The following ATP2B2 variants were observed in gnomAD, a reference collection of about 807,000 sequenced individuals.
ATP2B2 encodes ATPase plasma membrane Ca2+ transporting 2.
In ATP2B2, 15 loss-of-function variants were observed where a neutral mutation model predicts 120.0. The observed-to-expected ratio is 0.12, with a 90% CI of 0.08 to 0.19. The LOEUF is 0.19. Ranked by LOEUF, ATP2B2 falls within the 10% of genes least tolerant of loss-of-function variation. The probability of loss-of-function intolerance (pLI) is 1.00; values close to 1 mark genes in which losing one functional copy is unlikely to be tolerated. For missense variants in ATP2B2, 1,045 were observed against 1,719.8 expected, an observed-to-expected ratio of 0.61 and a Z score of 6.94; for synonymous variants, 694 against 700.3, an observed-to-expected ratio of 0.99 and a Z score of 0.14.
upstream of ATP2B2, among the ~76,000 whole-genome samples, chr3:10,506,336 G>A (rs1314597544): frequency 2.6e-5 from 4 of 152,144 alleles, no homozygotes; most frequent in Admixed American, 6.5e-5. Flanking sequence ...TCAAGAAGGT[G>A]CCCACCAGCA....
chr3:10,574,705 CTTT>C (rs761979145), intron 2 of ATP2B2, among the ~76,000 whole-genome samples: 1 of 152,058 alleles, frequency 6.6e-6, no homozygotes, highest in Non-Finnish European at 1.5e-5. Flanking sequence ...TTGGAATGAT[CTTT>C]TTAAGATTAA....
At chr3:10,518,605 C>T (rs2066920971) in intron 3 of ATP2B2, among the ~76,000 whole-genome samples, 2 of 152,362 alleles carry the variant, frequency 1.3e-5, no homozygotes, top group Middle Eastern at 3.4e-3. Flanking sequence ...TCCGCTTTCT[C>T]CCAGCCAAGC....
intron 2 of ATP2B2, among the ~76,000 whole-genome samples, chr3:10,565,423 T>C (rs1345129699): frequency 6.6e-6 from 1 of 152,162 alleles, no homozygotes; most frequent in Non-Finnish European, 1.5e-5. Flanking sequence ...ACAACTCTAA[T>C]TCTGAAAGCC....
intron 2 of ATP2B2, among the ~76,000 whole-genome samples, chr3:10,447,223 G>A (rs1187813692): frequency 6.6e-6 from 1 of 152,250 alleles, no homozygotes; most frequent in Non-Finnish European, 1.5e-5. Flanking sequence ...ATCTGTGCCA[G>A]GCATGAGGTT....
intron 2 of ATP2B2, among the ~76,000 whole-genome samples, chr3:10,437,926 A>G (rs962735372): frequency 6.6e-6 from 1 of 152,226 alleles, no homozygotes. Context: ...GTGAACAGAC[A>G]CTGGGAGAAG....
chr3:10,433,711 T>C (rs1012936276), intron 2 of ATP2B2, among the ~76,000 whole-genome samples: 2 of 152,188 alleles, frequency 1.3e-5, no homozygotes, highest in African/African-American at 4.8e-5. Context: ...GAAGCCCCAC[T>C]GTTACCCACC....
chr3:10,462,148 C>T (rs1018128913), intron 1 of ATP2B2, among the ~76,000 whole-genome samples: 9 of 152,210 alleles, frequency 5.9e-5, no homozygotes, highest in African/African-American at 2.2e-4. Context: ...GACCTTTCCA[C>T]CACGGCCTTT....
intron 1 of ATP2B2, among the ~76,000 whole-genome samples, chr3:10,463,437 T>C (rs2064585809): frequency 6.6e-6 from 1 of 152,244 alleles, no homozygotes; most frequent in Non-Finnish European, 1.5e-5. Flanking sequence ...GCCAAATGCA[T>C]TCTTGCTGAG....
chr3:10,603,801 G>GA lies in ATP2B2; in HGVS notation c.-415+16115dup, dbSNP rs200590671. On this transcript the variant is annotated intron_variant, in intron 2 of 21. Coordinates refer to the ATP2B2 transcript ENST00000646379. Reference sequence around the variant, plus strand: ...CCACCTTCTCCTTCAGTCTTTCCAGGAAAAAAAAACAAATCTAAGCCCAAT... The same window carrying GA: ...CCACCTTCTCCTTCAGTCTTTCCAGGAAAAAAAAAACAAATCTAAGCCCAAT... Among the ~76,000 whole-genome samples the GA allele has an allele frequency of 8.6e-3, 1,286 of 149,576 alleles. 15 individuals are homozygous for GA. The highest frequency in any genetic ancestry group is 0.021 in the African/African-American group (850 of 40,736).
intron 1 of ATP2B2, among the ~76,000 whole-genome samples, chr3:10,684,939 G>C (rs765882929): frequency 1.3e-5 from 2 of 152,216 alleles, no homozygotes; most frequent in Non-Finnish European, 2.9e-5. Context: ...TGGAGGTTCA[G>C]GTCAGAGGGG....
chr3:10,631,459 G>A (rs1231107119), intron 1 of ATP2B2, among the ~76,000 whole-genome samples: 2 of 152,236 alleles, frequency 1.3e-5, no homozygotes, highest in Admixed American at 6.5e-5. Context: ...AGGTCACACA[G>A]TTGGCAAGTG....
intron 3 of ATP2B2, among the ~76,000 whole-genome samples, chr3:10,510,685 CAA>C (rs2066743902): frequency 6.6e-6 from 1 of 152,232 alleles, no homozygotes; most frequent in African/African-American, 2.4e-5. Context: ...ACTGTGGAAA[CAA>C]TGAGGGATCT....
intron 1 of ATP2B2, among the ~76,000 whole-genome samples, chr3:10,644,139 G>T (rs1488390459): frequency 6.6e-6 from 1 of 152,108 alleles, no homozygotes; most frequent in African/African-American, 2.4e-5. Flanking sequence ...TTTCCCCGAA[G>T]AATATATACA....
rs1575479274 is a variant in ATP2B2 at position 10,543,686 on chromosome 3, T to C, written c.-414-9553A>G. Among the ~76,000 whole-genome samples, 2 of 152,208 alleles carry C rather than the reference T, an allele frequency of 1.3e-5. 1 individual carries two copies. The highest frequency in any genetic ancestry group is 4.8e-5 in the African/African-American group (2 of 41,532). The stretch of plus-strand genomic sequence containing the variant: ...AAATCAGTTTTAATTTCTAGTATTG[T>C]AAATTTGGAGAGATATAACCTACAC... On this transcript the variant is annotated intron_variant, in intron 2 of 21. Coordinates refer to the ATP2B2 transcript ENST00000646379.
chr3:10,401,768 G>C (rs1014551757), intron 4 of ATP2B2, among the ~76,000 whole-genome samples: 3 of 152,238 alleles, frequency 2.0e-5, no homozygotes. Context: ...GATTGTTGGA[G>C]TGCTGTGCTG....
intron 2 of ATP2B2, among the ~76,000 whole-genome samples, chr3:10,537,923 C>T (rs984512236): frequency 3.3e-5 from 5 of 152,084 alleles, no homozygotes; most frequent in South Asian, 2.1e-4. Context: ...TTCTTTAGCC[C>T]GTTAATATGG....
intron 2 of ATP2B2, among the ~76,000 whole-genome samples, chr3:10,539,596 G>A (rs1035821840): frequency 6.6e-6 from 1 of 152,148 alleles, no homozygotes; most frequent in African/African-American, 2.4e-5. Flanking sequence ...TGACAAACCT[G>A]ACAACAACAA....
chr3:10,512,856 C>A (rs1434078927), intron 3 of ATP2B2, among the ~76,000 whole-genome samples: 1 of 152,220 alleles, frequency 6.6e-6, no homozygotes, highest in Admixed American at 6.5e-5. Flanking sequence ...GTGGCCCTTG[C>A]TCAAATCCCT....
At chr3:10,496,886 A>T (rs2066173970) in intron 1 of ATP2B2, among the ~76,000 whole-genome samples, 1 of 146,916 alleles carries the variant, frequency 6.8e-6, no homozygotes, top group Non-Finnish European at 1.5e-5. Context: ...CCTCCCCCCA[A>T]CTCCAATCCA....
Sources: gnomAD v4.1 joint callset for allele counts (sites outside exome capture counted in the v4.1 genomes callset) on GRCh38, gnomAD v4.1.1 for gene constraint, MANE v1.5 for transcripts, NCBI Gene and HGNC (gene_info 2026-07-23, HGNC 2026-07-21) for gene names.